The following PRDX2 variants were observed in gnomAD, a reference collection of about 807,000 sequenced individuals.
PRDX2 encodes peroxiredoxin-2.
A neutral mutation model predicts 19.8 loss-of-function variants in PRDX2; 10 were observed. The observed-to-expected ratio is 0.50, with a 90% confidence interval of 0.31 to 0.86. PRDX2 has a LOEUF of 0.86. Ranked by LOEUF, PRDX2 falls within the 40% of genes least tolerant of loss-of-function variation. The pLI, the probability that PRDX2 is intolerant of heterozygous loss-of-function variation, is 0.04. For synonymous variants in PRDX2, 118 were observed against 108.2 expected, an observed-to-expected ratio of 1.09 and a Z score of -0.56; for missense variants, 226 against 260.1, an observed-to-expected ratio of 0.87 and a Z score of 0.90.
In PRDX2 at chr19:12,797,057, C is replaced by G. The variant is rs770141304; in HGVS notation, c.*24G>C. ...CAGCACAGGCACCTAGGCAGGGGCA[C>G]AAGCTCACTATCCGTTAGCCAGCCT... On this transcript the variant is annotated 3_prime_UTR_variant, in exon 6 of 6. Coordinates refer to ENST00000301522, the MANE Select transcript of PRDX2 (RefSeq NM_005809.6). The G allele has an allele frequency of 2.0e-5, 32 of 1,612,388 alleles. 1 individual carries two copies. In the South Asian group the frequency reaches 3.5e-4, roughly 18 times the overall value.
intron 5 of PRDX2, among the ~76,000 whole-genome samples, chr19:12,798,384 A>C (rs1157352874): frequency 1.8e-4 from 15 of 84,032 alleles, no homozygotes; most frequent in African/African-American, 3.3e-4. Flanking sequence ...GTTTCGCTTC[A>C]CTCGTTGCCC....
At position 12,801,221 on chromosome 19, in the gene PRDX2, T is replaced by C; in HGVS notation, c.41A>G (p.Asp14Gly). 1 of 1,613,962 alleles carries C rather than the reference T, an allele frequency of 6.2e-7. No individual in the cohort carries two copies. Among genetic ancestry groups the C allele is most frequent in the Non-Finnish European group, 8.5e-7 (1 of 1,179,986 alleles). Residue 14 changes from aspartate (D) to glycine (G), a missense_variant, in exon 2 of 6, where the codon GAC (aspartate) becomes GGC (glycine). Asp to Gly is a moderately conservative substitution (Grantham distance 94). Transcript: ENST00000301522. ...ATCAACCACCGCTGTGGCCTTGAAGTCAGGGGCTGGCTTTCCGATGCGCGC... is the reference window on the plus strand; with the variant it reads ...ATCAACCACCGCTGTGGCCTTGAAGCCAGGGGCTGGCTTTCCGATGCGCGC... ...GNARIGKPAPDFKATAVVDGA... is the reference protein window; with the variant it reads ...GNARIGKPAPGFKATAVVDGA...
In PRDX2 at chr19:12,800,417, C is replaced by G. The variant is rs893079120; in HGVS notation, c.258-118G>C. The G allele has an allele frequency of 3.7e-6, 5 of 1,337,610 alleles. No individual in the cohort carries two copies. The East Asian group carries it at 1.2e-4, about 32-fold the overall frequency. The allele number at this position is 1,337,610 out of a possible 1,614,324, so 82.9% of individuals were successfully genotyped here. A position where few individuals can be genotyped will look rare whatever the true frequency, so the allele number is the denominator to read the frequency against. On this transcript the variant is annotated intron_variant, in intron 3 of 5. Coordinates refer to ENST00000301522, the MANE Select transcript of PRDX2 (RefSeq NM_005809.6). Reference sequence around the variant, plus strand: ...GGAGATAAGGGGCTTTAGAGTAGGCCGCTGGGAGCCTCACCCACCCCACCC... The same window carrying G: ...GGAGATAAGGGGCTTTAGAGTAGGCGGCTGGGAGCCTCACCCACCCCACCC...
rs1275166188 is a variant in PRDX2, at chr19:12,800,236, C to T, written c.321G>A (p.Val107=). ...GPLNIPLLAD[V]TRRLSEDYGV... Reference sequence around the variant, plus strand: ...CGTAATCCTCAGACAAGCGTCTGGTCACGTCAGCAAGCAGGGGGATGTTCA... The same window carrying T: ...CGTAATCCTCAGACAAGCGTCTGGTTACGTCAGCAAGCAGGGGGATGTTCA... The change falls in exon 4 of 6, where the codon GTG becomes GTA. Residue 107 remains valine, a synonymous_variant. Coordinates refer to ENST00000301522, the MANE Select transcript of PRDX2 (RefSeq NM_005809.6). 3 of 1,613,858 alleles carry T rather than the reference C, an allele frequency of 1.9e-6. No homozygotes were observed. The highest frequency in any genetic ancestry group is 1.7e-5 in the Admixed American group (1 of 60,016).
rs541050535 is a variant in PRDX2, at chr19:12,800,286, G to A, written c.271C>T (p.Arg91Trp). 13 of 1,612,218 alleles carry A rather than the reference G, an allele frequency of 8.1e-6. No homozygotes were observed. Among genetic ancestry groups the A allele is most frequent in the South Asian group, 3.3e-5 (3 of 90,906 alleles). ...FTHLAWINTP[R>W]KEGGLGPLNI... is the part of the protein sequence containing the mutation. Reference sequence around the variant, plus strand: ...AGGGGGCCCAAGCCTCCCTCTTTCCGGGGGGTGTTGATCCTGGGAGTAGGG... The same window carrying A: ...AGGGGGCCCAAGCCTCCCTCTTTCCAGGGGGTGTTGATCCTGGGAGTAGGG... Residue 91 changes from arginine to tryptophan, a missense_variant, in exon 4 of 6, where the codon CGG (arginine) becomes TGG (tryptophan). Transcript: ENST00000301522.
intron 3 of PRDX2, chr19:12,800,502 C>T (rs1480950182): frequency 7.4e-6 from 6 of 808,116 alleles, no homozygotes; most frequent in Non-Finnish European, 1.1e-5. Flanking sequence ...AGAGGCACAG[C>T]TCCAGCTAAG....
rs376098373 is a variant in PRDX2, at chr19:12,800,945, C to T, written c.228G>A (p.Ser76=). The T allele has an allele frequency of 2.5e-6, 4 of 1,610,924 alleles. No individual in the cohort carries two copies. Among genetic ancestry groups the T allele is most frequent in the African/African-American group, 1.3e-5 (1 of 74,840 alleles). The stretch of plus-strand genomic sequence containing the variant: ...CCAGGTGGGTGAACTGAGAGTCCAC[C>T]GAGACGCCCAGCACTTCACAGCCCA... ...RKLGCEVLGV[S]VDSQFTHLAW... Residue 76 remains serine (S), a synonymous_variant, in exon 3 of 6, where the codon TCG becomes TCA. Transcript: ENST00000301522.
chr19:12,801,240 T>A lies in PRDX2; in HGVS notation c.22A>T (p.Ile8Phe). 6.2e-7 allele frequency: 1 copy of A among 1,613,664 alleles called. No individual in the cohort carries two copies. Among genetic ancestry groups the A allele is most frequent in the South Asian group, 1.1e-5 (1 of 91,012 alleles). The change falls in exon 2 of 6, where the codon ATC becomes TTC. Residue 8 changes from isoleucine (I) to phenylalanine (F), a missense_variant. Physicochemically the swap from Ile to Phe is conservative, Grantham distance 21 (BLOSUM62 0). Transcript: ENST00000301522. MASGNAR[I>F]GKPAPDFKAT... ...TTGAAGTCAGGGGCTGGCTTTCCGATGCGCGCGTTACCGGAGGCCATGACT... is the reference window on the plus strand; with the variant it reads ...TTGAAGTCAGGGGCTGGCTTTCCGAAGCGCGCGTTACCGGAGGCCATGACT...
At chr19:12,798,687 T>A (rs1466112255) in intron 5 of PRDX2, among the ~76,000 whole-genome samples, 6 of 112,678 alleles carry the variant, frequency 5.3e-5, no homozygotes, top group South Asian at 3.2e-4. Flanking sequence ...CAATACCCCA[T>A]CTCTTAAAAA....
chr19:12,799,403 A>G (rs1257186796), intron 5 of PRDX2, among the ~76,000 whole-genome samples: 3 of 151,068 alleles, frequency 2.0e-5, no homozygotes, highest in Non-Finnish European at 4.4e-5. Context: ...TCTGTTGCCC[A>G]AGCTGGAGTA....
intron 4 of PRDX2, 26 bp from the exon 5 acceptor site, chr19:12,800,015 G>A (rs1568384168): frequency 1.9e-6 from 3 of 1,611,540 alleles, no homozygotes; most frequent in Non-Finnish European, 1.7e-6. Context: ...TTCCCAGTGA[G>A]GAGCTGATAG....
chr19:12,800,842 G>A, intron 3 of PRDX2, 74 bp downstream of exon 3: 1 of 1,555,334 alleles, frequency 6.4e-7, no homozygotes, highest in South Asian at 1.2e-5. Context: ...TTGAGCAATG[G>A]CCACGAAGCC....
Position 12,797,093 on chromosome 19 carries a change from G to A in PRDX2, c.585C>T (p.Ser195=). ...PNVDDSKEYF[S]KHN ...TCCGTTAGCCAGCCTAATTGTGTTT[G>A]GAGAAATATTCCTTGCTGTCATCCA... Residue 195 remains serine, a synonymous_variant, in exon 6 of 6, where the codon TCC becomes TCT. Transcript: ENST00000301522. The A allele has an allele frequency of 6.2e-7, 1 of 1,614,104 alleles. No individual in the cohort carries two copies. Among genetic ancestry groups the A allele is most frequent in the Non-Finnish European group, 8.5e-7 (1 of 1,180,032 alleles).
At chr19:12,800,144 G>A (rs752821540) in intron 4 of PRDX2, 33 bp downstream of exon 4, 12 of 1,609,140 alleles carry the variant, frequency 7.5e-6, no homozygotes, top group Admixed American at 3.3e-5. Flanking sequence ...GGGGCAGGGC[G>A]CTCCCTGAGC....
At chr19:12,801,123 C>G (rs375240541) in intron 2 of PRDX2, 36 bp downstream of exon 2, 1 of 1,613,794 alleles carries the variant, frequency 6.2e-7, no homozygotes, top group Non-Finnish European at 8.5e-7. Flanking sequence ...ATGCACGGCC[C>G]CGCTTCTACC....
At position 12,797,044 on chromosome 19, in the gene PRDX2, C is replaced by T. The variant is rs2145812561; in HGVS notation, c.*37G>A. On this transcript the variant is annotated 3_prime_UTR_variant, in exon 6 of 6. Coordinates refer to ENST00000301522, the MANE Select transcript of PRDX2 (RefSeq NM_005809.6). ...ACAGGTGGACACCCAGCACAGGCACCTAGGCAGGGGCACAAGCTCACTATC... is the reference window on the plus strand; with the variant it reads ...ACAGGTGGACACCCAGCACAGGCACTTAGGCAGGGGCACAAGCTCACTATC... 3.1e-6 allele frequency: 5 copies of T among 1,609,166 alleles called. No homozygotes were observed. Among genetic ancestry groups the T allele is most frequent in the Non-Finnish European group, 4.2e-6 (5 of 1,177,040 alleles).
intron 3 of PRDX2, chr19:12,800,546 C>G (rs1329268132): frequency 1.2e-6 from 1 of 814,094 alleles, no homozygotes; most frequent in East Asian, 2.8e-5. Flanking sequence ...TGCAGCATCA[C>G]CCAGCAGAGA....
intron 3 of PRDX2, chr19:12,800,709 T>C: frequency 6.8e-7 from 1 of 1,473,746 alleles, no homozygotes; most frequent in Non-Finnish European, 9.0e-7. Context: ...GCATCTGAGT[T>C]GCATCTGCAA....
intron 5 of PRDX2, among the ~76,000 whole-genome samples, chr19:12,798,706 A>C (rs979405824): frequency 2.7e-5 from 4 of 149,972 alleles, no homozygotes; most frequent in African/African-American, 9.9e-5. Context: ...AAAAAAAAAA[A>C]AGAGATGGGG....
Sources: allele counts gnomAD v4.1 joint callset (sites outside exome capture counted in the v4.1 genomes callset), GRCh38; gene constraint gnomAD v4.1.1; transcripts MANE v1.5; gene names NCBI Gene and HGNC (gene_info 2026-07-23, HGNC 2026-07-21).